The following GPHN variants were observed in gnomAD, a reference collection of about 807,000 sequenced individuals.
The protein encoded by GPHN is gephyrin.
In GPHN, 17 loss-of-function variants were observed where a neutral mutation model predicts 95.5. That is an observed-to-expected ratio of 0.18 (90% CI 0.12 to 0.27). The LOEUF is 0.27. Ranked by LOEUF, GPHN falls within the 10% of genes least tolerant of loss-of-function variation. GPHN has a pLI of 1.00. For missense variants in GPHN, 660 were observed against 978.1 expected (o/e 0.67, Z 4.34); for synonymous variants, 320 against 322.5 (o/e 0.99, Z 0.08).
chr14:67,727,345 C>T, the GPHN span: 1 of 714,614 alleles, frequency 1.4e-6, no homozygotes, highest in East Asian at 2.7e-5. Context: ...AAACAGAGTG[C>T]TTGCCCCCAG....
the GPHN span, chr14:67,343,257 G>A: frequency 1.4e-6 from 1 of 738,896 alleles, no homozygotes; most frequent in South Asian, 2.4e-5. Flanking sequence ...CTGTGGGCAA[G>A]GGAAGCATCT....
At chr14:66,710,580 A>G (rs1227303002) in intron 2 of GPHN, among the ~76,000 whole-genome samples, 1 of 152,176 alleles carries the variant, frequency 6.6e-6, no homozygotes, top group East Asian at 1.9e-4. Flanking sequence ...AGCCAACTTC[A>G]TTAGATCTGC....
At chr14:67,229,362 G>A in the GPHN span, among the ~76,000 whole-genome samples, 12 of 152,076 alleles carry the variant, frequency 7.9e-5, no homozygotes, top group Middle Eastern at 3.2e-3. Context: ...TTCCCTTCCT[G>A]GCCCACAAGC....
chr14:66,823,599 G>A (rs1157546767), intron 3 of GPHN, among the ~76,000 whole-genome samples: 2 of 151,892 alleles, frequency 1.3e-5, no homozygotes, highest in East Asian at 3.9e-4. Flanking sequence ...CCCTTCATTT[G>A]GAGCTCTGAG....
intron 1 of GPHN, among the ~76,000 whole-genome samples, chr14:66,530,582 G>A (rs539282188): frequency 1.1e-4 from 16 of 152,272 alleles, no homozygotes; most frequent in African/African-American, 3.6e-4. Flanking sequence ...CCAGGGCCCT[G>A]GTGGCACAGG....
chr14:67,520,214 A>G, the GPHN span, among the ~76,000 whole-genome samples: 5 of 152,188 alleles, frequency 3.3e-5, no homozygotes, highest in African/African-American at 1.2e-4. Flanking sequence ...CATAGTTTAC[A>G]TTAGGGTTCA....
chr14:67,209,290 C>T, the GPHN span, among the ~76,000 whole-genome samples: 3 of 151,866 alleles, frequency 2.0e-5, no homozygotes, highest in South Asian at 6.2e-4. Context: ...CTGGAATGTG[C>T]TGTGATGAAA....
At chr14:67,674,484 G>A in the GPHN span, 4 of 1,603,712 alleles carry the variant, frequency 2.5e-6, no homozygotes, top group East Asian at 4.5e-5. Flanking sequence ...CGGCGGAGGA[G>A]GCCATGGCGC....
At chr14:66,797,830 GAC>G (rs1411513483) in intron 3 of GPHN, among the ~76,000 whole-genome samples, 54 of 151,794 alleles carry the variant, frequency 3.6e-4, no homozygotes, top group African/African-American at 1.2e-3. Flanking sequence ...TCTCTTGTCT[GAC>G]TGGTCTATCT....
At chr14:66,963,818 G>T (rs1174183521) in intron 8 of GPHN, among the ~76,000 whole-genome samples, 1 of 152,196 alleles carries the variant, frequency 6.6e-6, no homozygotes, top group East Asian at 1.9e-4. Flanking sequence ...AAGGATGTTG[G>T]TATAGAAACT....
At chr14:67,183,068 A>C (rs567733757), downstream of GPHN, among the ~76,000 whole-genome samples, 11 of 152,244 alleles carry the variant, frequency 7.2e-5, no homozygotes, top group Admixed American at 5.2e-4. Context: ...CAGGAAAAAG[A>C]GTATTCCAAA....
At chr14:67,106,688 T>G (rs1449426905) in intron 13 of GPHN, among the ~76,000 whole-genome samples, 1 of 152,216 alleles carries the variant, frequency 6.6e-6, no homozygotes, top group Non-Finnish European at 1.5e-5. Context: ...CTTTGTTGAA[T>G]TTATCATTCT....
chr14:66,653,523 T>G (rs1317363995), intron 1 of GPHN, among the ~76,000 whole-genome samples: 1 of 152,152 alleles, frequency 6.6e-6, no homozygotes, highest in Non-Finnish European at 1.5e-5. Flanking sequence ...CCAGTGAAGA[T>G]AAAGGACATT....
At chr14:67,335,183 GTAGA>G in the GPHN span, 2 of 152,218 alleles carry the variant, frequency 1.3e-5, no homozygotes, top group African/African-American at 4.8e-5. Flanking sequence ...ATCAGCAATG[GTAGA>G]TAGAAATGTC....
At chr14:66,720,620 T>C (rs1316982296) in intron 2 of GPHN, among the ~76,000 whole-genome samples, 2 of 152,172 alleles carry the variant, frequency 1.3e-5, no homozygotes, top group African/African-American at 4.8e-5. Context: ...TCATATCTAA[T>C]TTTGCACATC....
chr14:66,772,127 A>G (rs1487220005), intron 2 of GPHN, among the ~76,000 whole-genome samples: 1 of 151,742 alleles, frequency 6.6e-6, no homozygotes, highest in Non-Finnish European at 1.5e-5. Context: ...AAAAAAAAAA[A>G]GACAGATAAC....
intron 4 of GPHN, among the ~76,000 whole-genome samples, chr14:66,876,664 G>A (rs1186419509): frequency 6.6e-6 from 1 of 151,930 alleles, no homozygotes; most frequent in Non-Finnish European, 1.5e-5. Context: ...TTAAATTCCT[G>A]GACACATACA....
chr14:67,108,331 C>T (rs937904464), intron 13 of GPHN, among the ~76,000 whole-genome samples: 2 of 152,128 alleles, frequency 1.3e-5, no homozygotes, highest in Non-Finnish European at 2.9e-5. Context: ...TCTCTCCTAC[C>T]CTCTACATCT....
the GPHN span, among the ~76,000 whole-genome samples, chr14:67,495,459 T>C: frequency 1.3e-5 from 2 of 152,162 alleles, no homozygotes; most frequent in Non-Finnish European, 2.9e-5. Context: ...TGAGTCAGGT[T>C]ACATTTGTTA....
Sources: allele counts gnomAD v4.1 joint callset (sites outside exome capture counted in the v4.1 genomes callset), GRCh38; gene constraint gnomAD v4.1.1; transcripts MANE v1.5; gene names NCBI Gene and HGNC (gene_info 2026-07-23, HGNC 2026-07-21).